NEBL: variants seen among roughly 807,000 people sequenced by gnomAD.
The protein encoded by NEBL is LIM and SH3 protein 2.
A neutral mutation model predicts 140.2 loss-of-function variants in NEBL; 122 were observed. That is an observed-to-expected ratio of 0.87 (90% CI 0.75 to 1.01). NEBL has a LOEUF of 1.01. Among genes scored for constraint, NEBL ranks in the 50% least tolerant of loss-of-function variants. The probability of loss-of-function intolerance (pLI) is 0.00; values close to 1 mark genes in which losing one functional copy is unlikely to be tolerated. For synonymous variants in NEBL, 436 were observed against 398.9 expected, an observed-to-expected ratio of 1.09 and a Z score of -1.11; for missense variants, 1,365 against 1,231.3, an observed-to-expected ratio of 1.11 and a Z score of -1.62.
At position 21,134,222 on chromosome 10, in the gene NEBL, T is replaced by A. The variant is rs572986665; in HGVS notation, c.164+38161A>T. Among the ~76,000 whole-genome samples the A allele has an allele frequency of 1.0e-4, 15 of 149,492 alleles. No homozygotes were observed. In the South Asian group the frequency reaches 2.1e-3, roughly 21 times the overall value. ...GCCTGGGCAACAGAGTGAGACTCCA[T>A]CTCAAGAAAAAAAAAAAAAATCTAA... On this transcript the variant is annotated intron_variant, in intron 2 of 6. Coordinates refer to the NEBL transcript ENST00000417816.
intron 1 of NEBL, among the ~76,000 whole-genome samples, chr10:21,271,767 C>T (rs1043193879): frequency 6.6e-6 from 1 of 151,820 alleles, no homozygotes; most frequent in Admixed American, 6.6e-5. Flanking sequence ...CTCAAGTGAT[C>T]CACCCGCGTC....
Position 20,828,594 on chromosome 10 carries a change from T to C in NEBL, c.1712A>G (p.Tyr571Cys). ...TTCAGGAGTATCTGCTATGGTAGAA[T>C]AGTTAGAAAGCATCTTCTCTGCTTC... ...KDEAEKMLSNYSTIADTPEIQ... is the reference protein window; with the variant it reads ...KDEAEKMLSNCSTIADTPEIQ... Residue 571 changes from tyrosine (Y) to cysteine (C), a missense_variant, in exon 17 of 28, where the codon TAT becomes TGT. Transcript: ENST00000377122. The C allele has an allele frequency of 6.3e-7, 1 of 1,594,700 alleles. No individual in the cohort carries two copies. The highest frequency in any genetic ancestry group is 8.6e-7 in the Non-Finnish European group (1 of 1,162,762).
At chr10:21,218,375 C>A (rs1842025161) in intron 3 of NEBL, 1 of 152,172 alleles carries the variant, frequency 6.6e-6, no homozygotes, top group African/African-American at 2.4e-5. Flanking sequence ...AACCATTCTA[C>A]AGATAGTTTC....
At chr10:20,978,614 C>T (rs1185197572) in intron 3 of NEBL, among the ~76,000 whole-genome samples, 6 of 151,934 alleles carry the variant, frequency 3.9e-5, no homozygotes, top group Admixed American at 1.3e-4. Context: ...AAAAAATTAG[C>T]CAGGAGTGGT....
intron 2 of NEBL, among the ~76,000 whole-genome samples, chr10:21,061,343 A>ACATATTACATAT (rs1430100515): frequency 5.4e-5 from 8 of 148,136 alleles, no homozygotes; most frequent in African/African-American, 1.7e-4. Flanking sequence ...GTGATATGTA[A>ACATATTACATAT]TATGTTACAT....
rs775751689 is a variant in NEBL at position 20,840,799 on chromosome 10, T to C, written c.1278A>G (p.Glu426=). 9 of 1,611,020 alleles carry C rather than the reference T, an allele frequency of 5.6e-6. No homozygotes were observed. ...LENEIKGKGM[E]LNSEVLDIQR... ...GGATATCAAGAACTTCTGAATTAAG[T>C]TCCATTCCTTTCCCTTTTATCTCAT... is the stretch of plus-strand genomic sequence containing the variant. Residue 426 remains glutamate, a synonymous_variant, in exon 13 of 28, where the codon GAA becomes GAG. Transcript: ENST00000377122.
rs761001711 is a variant in NEBL, at chr10:20,817,669, T to C, written c.2079A>G (p.Gln693=). The change falls in exon 21 of 28, where the codon CAA becomes CAG. Residue 693 remains glutamine, a synonymous_variant. Coordinates refer to ENST00000377122, the MANE Select transcript of NEBL (RefSeq NM_006393.3). The part of the protein sequence containing the change: ...LSAVKYKGEL[Q]RGTAISDPPE... ...GTGGATCAGAAATTGCAGTTCCCCG[T>C]TGAAGTTCTCCCTTATATTTTACCT... 1.2e-6 allele frequency: 2 copies of C among 1,613,680 alleles called. No individual in the cohort carries two copies. The highest frequency in any genetic ancestry group is 1.1e-5 in the South Asian group (1 of 91,076).
chr10:21,064,028 C>T (rs944660133), intron 2 of NEBL, among the ~76,000 whole-genome samples: 5 of 151,988 alleles, frequency 3.3e-5, no homozygotes, highest in Admixed American at 1.3e-4. Flanking sequence ...ACTGAGATCG[C>T]GCCACTGTAC....
At chr10:21,061,917 C>G (rs529686823) in intron 2 of NEBL, among the ~76,000 whole-genome samples, 1 of 152,292 alleles carries the variant, frequency 6.6e-6, no homozygotes, top group East Asian at 1.9e-4. Context: ...TTAACATAAG[C>G]TATAGATGCA....
intron 3 of NEBL, among the ~76,000 whole-genome samples, chr10:20,998,909 C>G (rs934872051): frequency 7.9e-5 from 12 of 152,094 alleles, no homozygotes; most frequent in African/African-American, 2.4e-4. Flanking sequence ...GATGGAAGGT[C>G]ACACCGCAGC....
At chr10:20,831,667 A>T (rs568702692) in intron 14 of NEBL, 84 bp from the exon 15 acceptor site, 126 of 859,114 alleles carry the variant, frequency 1.5e-4, no homozygotes, top group Non-Finnish European at 2.1e-4. Flanking sequence ...TGACATTAAG[A>T]CCATGTCTTT....
At chr10:21,282,802 C>T (rs956378951) in intron 1 of NEBL, among the ~76,000 whole-genome samples, 1 of 152,046 alleles carries the variant, frequency 6.6e-6, no homozygotes, top group Admixed American at 6.6e-5. Flanking sequence ...CCACAAGATA[C>T]AGGTCATAAA....
intron 3 of NEBL, among the ~76,000 whole-genome samples, chr10:21,002,721 C>T (rs568483773): frequency 6.6e-6 from 1 of 152,082 alleles, no homozygotes; most frequent in Non-Finnish European, 1.5e-5. Context: ...GCGCTACACA[C>T]TTTTAAACAA....
intron 3 of NEBL, among the ~76,000 whole-genome samples, chr10:21,190,942 A>AGGACCAAGAATAG (rs1841563742): frequency 6.6e-6 from 1 of 152,188 alleles, no homozygotes; most frequent in Admixed American, 6.5e-5. Flanking sequence ...CCTCTCTCTG[A>AGGACCAAGAATAG]GGACCAAGAA....
At chr10:21,266,275 G>A (rs1409000171) in intron 1 of NEBL, among the ~76,000 whole-genome samples, 1 of 152,044 alleles carries the variant, frequency 6.6e-6, no homozygotes, top group African/African-American at 2.4e-5. Context: ...CCGAGTAGCT[G>A]GGACCACAGG....
intron 2 of NEBL, among the ~76,000 whole-genome samples, chr10:21,022,006 T>C (rs1838818016): frequency 6.6e-6 from 1 of 152,178 alleles, no homozygotes; most frequent in Non-Finnish European, 1.5e-5. Context: ...AGCGGCCTCT[T>C]ATGTTCACAG....
intron 14 of NEBL, 54 bp from the exon 15 acceptor site, chr10:20,831,637 C>A: frequency 8.5e-7 from 1 of 1,182,008 alleles, no homozygotes. Flanking sequence ...AGAAACTGCT[C>A]AAAAATCGAG....
chr10:21,048,307 C>G (rs73607583), intron 2 of NEBL, among the ~76,000 whole-genome samples: 7,452 of 152,172 alleles, frequency 0.049, 599 homozygotes, highest in African/African-American at 0.17. Flanking sequence ...GAGTCACAGA[C>G]CCACAGCATG....
chr10:20,997,262 C>T (rs1029371679), intron 3 of NEBL, among the ~76,000 whole-genome samples: 1 of 151,912 alleles, frequency 6.6e-6, no homozygotes, highest in Non-Finnish European at 1.5e-5. Context: ...GATCAGCAGG[C>T]TCCCTGCCCT....
Sources: allele counts gnomAD v4.1 joint callset (sites outside exome capture counted in the v4.1 genomes callset), GRCh38; gene constraint gnomAD v4.1.1; transcripts MANE v1.5; gene names NCBI Gene and HGNC (gene_info 2026-07-23, HGNC 2026-07-21).